Variants in RBM19 observed in about 807,000 individuals in gnomAD.
The protein encoded by RBM19 is RNA binding motif protein 19.
A neutral mutation model predicts 116.8 loss-of-function variants in RBM19; 94 were observed. The observed-to-expected ratio is 0.80, with a 90% CI of 0.68 to 0.95. The LOEUF (loss-of-function observed/expected upper bound fraction) is 0.95, where lower values mean the gene tolerates loss of function less well. RBM19 is among the 40% of genes least tolerant of loss of function. RBM19 has a pLI of 0.00. For synonymous variants in RBM19, 475 were observed against 494.1 expected (o/e 0.96, Z 0.51); for missense variants, 1,161 against 1,220.7 (o/e 0.95, Z 0.73).
intron 21 of RBM19, among the ~76,000 whole-genome samples, chr12:113,897,381 G>A (rs975838379): frequency 3.3e-5 from 5 of 152,236 alleles, no homozygotes; most frequent in African/African-American, 1.2e-4. Flanking sequence ...GGCCAGGCTG[G>A]TCTCAAGCTC....
At chr12:113,904,857 C>T (rs538281215) in intron 21 of RBM19, among the ~76,000 whole-genome samples, 6 of 152,258 alleles carry the variant, frequency 3.9e-5, no homozygotes, top group South Asian at 2.1e-4. Flanking sequence ...TTCCCGTCCC[C>T]GAATGTGGCC....
chr12:113,902,263 A>G (rs1156391024), intron 21 of RBM19, among the ~76,000 whole-genome samples: 1 of 151,908 alleles, frequency 6.6e-6, no homozygotes, highest in African/African-American at 2.4e-5. Flanking sequence ...AGACACAGGC[A>G]CCTCCCTCCC....
At chr12:113,895,802 T>C (rs10850236) in intron 21 of RBM19, among the ~76,000 whole-genome samples, 35,036 of 150,544 alleles carry the variant, frequency 0.23, 4,914 homozygotes, top group East Asian at 0.46. Flanking sequence ...AGAAAAAATC[T>C]TATATATAGG....
chr12:113,939,054 G>GA (rs1156740943), intron 15 of RBM19, among the ~76,000 whole-genome samples: 3 of 152,188 alleles, frequency 2.0e-5, no homozygotes. Context: ...CTACAGAACT[G>GA]ACTTTCATTC....
intron 23 of RBM19, among the ~76,000 whole-genome samples, chr12:113,832,062 G>C (rs1036170875): frequency 1.3e-5 from 2 of 152,204 alleles, no homozygotes; most frequent in Admixed American, 6.5e-5. Flanking sequence ...AGCTGAGATA[G>C]CCAGGGGTGT....
chr12:113,868,307 C>T (rs7138219), intron 21 of RBM19, among the ~76,000 whole-genome samples: 17,545 of 152,050 alleles, frequency 0.12, 1,197 homozygotes, highest in Non-Finnish European at 0.16. Flanking sequence ...TAGATCTGTG[C>T]GTACAGTTTA....
Position 113,943,399 on chromosome 12 carries a change from T to A in RBM19, c.1627-965A>T, listed in dbSNP as rs187887045. On this transcript the variant is annotated intron_variant, in intron 13 of 23. Coordinates refer to ENST00000261741, the MANE Select transcript of RBM19 (RefSeq NM_016196.4). The stretch of plus-strand genomic sequence containing the variant: ...AGTGCCACAAGCCCCTCAGAGCCCC[T>A]CAGTATGTGAAATGCAACGCGACAC... Among the ~76,000 whole-genome samples, 3 of 152,030 alleles carry A rather than the reference T, an allele frequency of 2.0e-5. No individual in the cohort carries two copies. The East Asian group carries it at 5.8e-4, about 29-fold the overall frequency.
In RBM19 at chr12:113,900,908, G is replaced by A. The variant is rs57820253; in HGVS notation, c.2558+14061C>T. Among the ~76,000 whole-genome samples the A allele has an allele frequency of 5.0e-3, 756 of 152,276 alleles. 7 individuals are homozygous for A. The highest frequency in any genetic ancestry group is 0.017 in the African/African-American group (707 of 41,552). ...AAACATCCCTCCCAAACTCCTTGGGGCTGCATTCCCAGAGATCTTAAATAG... is the reference window on the plus strand; with the variant it reads ...AAACATCCCTCCCAAACTCCTTGGGACTGCATTCCCAGAGATCTTAAATAG... On this transcript the variant is annotated intron_variant, in intron 21 of 23. Transcript: ENST00000261741.
intron 16 of RBM19, among the ~76,000 whole-genome samples, chr12:113,934,261 C>T (rs144496132): frequency 5.7e-4 from 87 of 152,346 alleles, no homozygotes; most frequent in Middle Eastern, 3.4e-3. Flanking sequence ...CAGCGGAAGA[C>T]TGGTGATGTG....
At chr12:113,949,060 T>A (rs758676024) in intron 9 of RBM19, 24 bp from the exon 10 acceptor site, 1 of 1,599,378 alleles carries the variant, frequency 6.3e-7, no homozygotes, top group Non-Finnish European at 8.5e-7. Flanking sequence ...GAGTCAGGGC[T>A]CCAGGGGGAG....
intron 23 of RBM19, among the ~76,000 whole-genome samples, chr12:113,826,695 G>A (rs1410511681): frequency 6.6e-6 from 1 of 152,200 alleles, no homozygotes; most frequent in African/African-American, 2.4e-5. Flanking sequence ...ACTAGGGGTT[G>A]TGGTGAGGCT....
At chr12:113,862,000 C>T (rs1878438707) in intron 21 of RBM19, among the ~76,000 whole-genome samples, 1 of 152,186 alleles carries the variant, frequency 6.6e-6, no homozygotes, top group South Asian at 2.1e-4. Context: ...GAAATGGCTA[C>T]AGTGAGCAGG....
intron 2 of RBM19, among the ~76,000 whole-genome samples, 153 bp from the exon 3 acceptor site, chr12:113,960,331 TTTCTTTCCCTTC>T (rs1410629668): frequency 6.6e-6 from 1 of 152,238 alleles, no homozygotes; most frequent in Non-Finnish European, 1.5e-5. Context: ...TAGCCTGGGC[TTTCTTTCCCTTC>T]AAGTCTAGAA....
At chr12:113,948,799 T>C in intron 10 of RBM19, 34 bp downstream of exon 10, 2 of 1,608,118 alleles carry the variant, frequency 1.2e-6, no homozygotes, top group South Asian at 2.2e-5. Context: ...CCATAGCCGC[T>C]GGGCTATCCA....
chr12:113,874,288 T>A (rs1449045237), intron 21 of RBM19, among the ~76,000 whole-genome samples: 1 of 152,254 alleles, frequency 6.6e-6, no homozygotes, highest in Non-Finnish European at 1.5e-5. Context: ...AATGGAGTTA[T>A]TAATGGATGC....
At chr12:113,953,973 A>C (rs1675666806) in intron 7 of RBM19, among the ~76,000 whole-genome samples, 1 of 152,272 alleles carries the variant, frequency 6.6e-6, no homozygotes, top group South Asian at 2.1e-4. Flanking sequence ...AATCCCAAGG[A>C]ACTGAATTAT....
intron 21 of RBM19, among the ~76,000 whole-genome samples, chr12:113,890,394 C>T (rs934430057): frequency 2.0e-5 from 3 of 152,154 alleles, no homozygotes; most frequent in Admixed American, 6.5e-5. Context: ...TATTCAGCAT[C>T]CTGCCATAGG....
intron 21 of RBM19, among the ~76,000 whole-genome samples, chr12:113,907,494 C>T (rs764360099): frequency 2.0e-5 from 3 of 152,180 alleles, no homozygotes; most frequent in South Asian, 4.1e-4. Context: ...GCATTCATTC[C>T]GTCCTTTCAA....
intron 13 of RBM19, among the ~76,000 whole-genome samples, chr12:113,942,799 T>A (rs1222809789): frequency 6.6e-6 from 1 of 152,086 alleles, no homozygotes; most frequent in East Asian, 1.9e-4. Context: ...TTTGTAGAGA[T>A]GGGAGTTTGC....
Sources: allele counts gnomAD v4.1 joint callset (sites outside exome capture counted in the v4.1 genomes callset), GRCh38; gene constraint gnomAD v4.1.1; transcripts MANE v1.5; gene names NCBI Gene and HGNC (gene_info 2026-07-23, HGNC 2026-07-21).